Variants in ST14 observed in about 807,000 individuals in gnomAD.
ST14 encodes the protein ST14 transmembrane serine protease matriptase.
Under a neutral mutation model 96.5 loss-of-function variants are expected in ST14, and 40 were observed. That is an observed-to-expected ratio of 0.41 (90% CI 0.32 to 0.54). The LOEUF is 0.54. Ranked by LOEUF, ST14 falls within the 20% of genes least tolerant of loss-of-function variation. ST14 has a pLI of 0.17. For synonymous variants in ST14, 506 were observed against 492.1 expected, an observed-to-expected ratio of 1.03 and a Z score of -0.37; for missense variants, 1,066 against 1,188.9, an observed-to-expected ratio of 0.90 and a Z score of 1.52.
intron 9 of ST14, among the ~76,000 whole-genome samples, chr11:130,194,969 C>T (rs952423047): frequency 5.3e-5 from 8 of 152,056 alleles, no homozygotes; most frequent in African/African-American, 1.9e-4. Context: ...AAGAGGCAGC[C>T]AGATGTCGTG....
intron 1 of ST14, among the ~76,000 whole-genome samples, chr11:130,172,407 T>C (rs1953100393): frequency 6.8e-6 from 1 of 146,162 alleles, no homozygotes; most frequent in South Asian, 2.2e-4. Flanking sequence ...TGCCTGGCTG[T>C]CTTCTTTTTT....
rs1226208111 is a variant in ST14, at chr11:130,190,264, G to GT, written c.634+116_634+117insT. On this transcript the variant is annotated intron_variant, in intron 6 of 18. Transcript: ENST00000278742. ...CCCTCTGAATGAAGTATATTATGAC[G>GT]ATCTTTCCAGGCCCTTCCTCTTCCA... The GT allele has an allele frequency of 1.8e-3, 2,706 of 1,501,290 alleles. 41 individuals carry two copies. The African/African-American group carries it at 0.032, about 18-fold the overall frequency. The allele number at this position is 1,501,290 out of a possible 1,614,324, so 93.0% of individuals were successfully genotyped here. A position where few individuals can be genotyped will look rare whatever the true frequency, so the allele number is the denominator to read the frequency against.
rs375786672 is a variant in ST14 at position 130,188,298 on chromosome 11, G to C, written c.241+25G>C. Reference sequence around the variant, plus strand: ...TGTGAGTAAAGCTGGGGCTGGCTCCGGGGAGGACGACAAGGGGTGGCTGTC... The same window carrying C: ...TGTGAGTAAAGCTGGGGCTGGCTCCCGGGAGGACGACAAGGGGTGGCTGTC... On this transcript the variant is annotated intron_variant, in intron 2 of 18. Transcript: ENST00000278742. This position sits in a 1 kb window ranked among gnomAD's most constrained non-coding sequence, Gnocchi z 5.4. 1.9e-6 allele frequency: 3 copies of C among 1,605,574 alleles called. No homozygotes were observed. Among genetic ancestry groups the C allele is most frequent in the East Asian group, 2.2e-5 (1 of 44,790 alleles).
intron 7 of ST14, among the ~76,000 whole-genome samples, chr11:130,191,072 C>T (rs146936658): frequency 7.9e-5 from 12 of 152,300 alleles, no homozygotes; most frequent in East Asian, 3.9e-4. Flanking sequence ...ATTTTGTTGG[C>T]GGGCACGGTA....
intron 16 of ST14, among the ~76,000 whole-genome samples, chr11:130,207,534 G>C (rs1242818896): frequency 6.6e-6 from 1 of 152,200 alleles, no homozygotes; most frequent in African/African-American, 2.4e-5. Context: ...CTGGGTGACA[G>C]AGTGAGACTT....
At chr11:130,193,394 C>T (rs1007521043) in intron 7 of ST14, among the ~76,000 whole-genome samples, 1 of 151,982 alleles carries the variant, frequency 6.6e-6, no homozygotes, top group Non-Finnish European at 1.5e-5. Context: ...TTGATTGTTA[C>T]TACTGCTGTT....
intron 1 of ST14, among the ~76,000 whole-genome samples, chr11:130,175,838 T>C (rs1953132368): frequency 6.6e-6 from 1 of 152,024 alleles, no homozygotes; most frequent in African/African-American, 2.4e-5. Context: ...TAATTTTGTA[T>C]TTTTAGTAGA....
intron 16 of ST14, 126 bp from the exon 17 acceptor site, chr11:130,208,284 C>T: frequency 7.4e-7 from 1 of 1,350,406 alleles, no homozygotes; most frequent in Non-Finnish European, 1.0e-6. Flanking sequence ...AGAGCCGGCC[C>T]CATCGTCTTC....
At chr11:130,193,862 C>G (rs1953330734) in intron 7 of ST14, among the ~76,000 whole-genome samples, 3 of 151,246 alleles carry the variant, frequency 2.0e-5, no homozygotes, top group Admixed American at 2.0e-4. Flanking sequence ...TTATCACTAG[C>G]GCCTTCCATC....
rs567540932 is a variant in ST14 at position 130,163,774 on chromosome 11, G to A, written c.81+3714G>A. ...TCCTGAGAACACCTGGAAATTCCTC[G>A]TTTAGGAGTTGAGAAAACTGAGGAA... On this transcript the variant is annotated intron_variant, in intron 1 of 18. Transcript: ENST00000278742. 1.8e-4 allele frequency among the ~76,000 whole-genome samples: 28 copies of A among 152,268 alleles called. No individual in the cohort carries two copies. The East Asian group carries it at 5.0e-3, about 27-fold the overall frequency.
In ST14 at chr11:130,181,978, A is replaced by G. The variant is rs1363016977; in HGVS notation, c.82-6136A>G. On this transcript the variant is annotated intron_variant, in intron 1 of 18. Coordinates refer to ENST00000278742, the MANE Select transcript of ST14 (RefSeq NM_021978.4). This position sits in a 1 kb window ranked among gnomAD's most constrained non-coding sequence, Gnocchi z 4.1. Reference sequence around the variant, plus strand: ...AGAGTCTGGGGTGACCCCTGAGTCAATGCCCTCAGCCACCTTACCCCTTCT... The same window carrying G: ...AGAGTCTGGGGTGACCCCTGAGTCAGTGCCCTCAGCCACCTTACCCCTTCT... Among the ~76,000 whole-genome samples the G allele has an allele frequency of 6.6e-6, 1 of 152,194 alleles. No homozygotes were observed. The highest frequency in any genetic ancestry group is 2.4e-5 in the African/African-American group (1 of 41,446).
At chr11:130,203,735 C>T (rs113207216) in intron 16 of ST14, among the ~76,000 whole-genome samples, 8,308 of 152,268 alleles carry the variant, frequency 0.055, 303 homozygotes, top group Non-Finnish European at 0.08. Context: ...TCACTGCAAC[C>T]TCCGCCTCCC....
chr11:130,208,726 G>T (rs1410411034), intron 17 of ST14, 42 bp downstream of exon 17: 2 of 1,588,198 alleles, frequency 1.3e-6, no homozygotes, highest in African/African-American at 2.7e-5. Context: ...AGGGCCTGGG[G>T]CCTTTCTCCA....
At chr11:130,178,528 C>G (rs376636141) in intron 1 of ST14, among the ~76,000 whole-genome samples, 17 of 152,182 alleles carry the variant, frequency 1.1e-4, no homozygotes, top group African/African-American at 4.1e-4. Flanking sequence ...CCTGCAGGAG[C>G]TGGCTGCTCC....
intron 8 of ST14, 31 bp from the exon 9 acceptor site, chr11:130,194,609 T>A (rs1372773882): frequency 6.2e-7 from 1 of 1,611,272 alleles, no homozygotes. Flanking sequence ...AGGTTCCTGA[T>A]CCTCTTGCTT....
At chr11:130,176,105 G>A (rs1248296665) in intron 1 of ST14, among the ~76,000 whole-genome samples, 1 of 152,178 alleles carries the variant, frequency 6.6e-6, no homozygotes, top group Admixed American at 6.5e-5. Flanking sequence ...AGATGTAGGG[G>A]CCAGTCTGCA....
At chr11:130,206,237 G>A (rs55876414) in intron 16 of ST14, among the ~76,000 whole-genome samples, 9,016 of 152,248 alleles carry the variant, frequency 0.059, 336 homozygotes, top group Middle Eastern at 0.1. Flanking sequence ...GTGCGCGGGC[G>A]GTGCTGTACC....
chr11:130,180,745 A>T (rs1953184249), intron 1 of ST14, among the ~76,000 whole-genome samples: 1 of 152,208 alleles, frequency 6.6e-6, no homozygotes, highest in Non-Finnish European at 1.5e-5. Context: ...AGTTTCTCTG[A>T]CTTAATGGGA....
In ST14 at chr11:130,190,675, G is replaced by A. The variant is rs754002164; in HGVS notation, c.856G>A (p.Glu286Lys). 1.3e-6 allele frequency: 2 copies of A among 1,593,628 alleles called. No homozygotes were observed. Among genetic ancestry groups the A allele is most frequent in the South Asian group, 2.3e-5 (2 of 88,296 alleles). The change falls in exon 7 of 19, where the codon GAG becomes AAG. Residue 286 changes from glutamate (E) to lysine (K), a missense_variant. Glu to Lys is a moderately conservative substitution (Grantham distance 56). Transcript: ENST00000278742. Reference protein sequence around the residue: ...VTVYNTLSPMEPHALVQLCGT... With the variant: ...VTVYNTLSPMKPHALVQLCGT... ...GGTGTACAACACCCTGAGCCCCATG[G>A]AGCCCCACGCCCTGGTGCAGTGAGT...
Sources: allele counts gnomAD v4.1 joint callset (sites outside exome capture counted in the v4.1 genomes callset), GRCh38; gene constraint gnomAD v4.1.1; non-coding constraint Gnocchi (gnomAD v3.1); transcripts MANE v1.5; gene names NCBI Gene and HGNC (gene_info 2026-07-23, HGNC 2026-07-21).